Variants in CTNNA3 observed in about 807,000 individuals in gnomAD.
CTNNA3 encodes the protein catenin alpha 3.
CTNNA3 carries 76 observed loss-of-function variants against 95.7 expected under a neutral mutation model. That is an observed-to-expected ratio of 0.79 (90% CI 0.66 to 0.96). The LOEUF (loss-of-function observed/expected upper bound fraction) is 0.96. Among genes scored for constraint, CTNNA3 ranks in the 40% least tolerant of loss-of-function variants. The pLI, the probability that CTNNA3 is intolerant of heterozygous loss-of-function variation, is 0.00. For missense variants in CTNNA3, 1,191 were observed against 1,089.8 expected (o/e 1.09, Z -1.31); for synonymous variants, 431 against 374.4 (o/e 1.15, Z -1.74).
chr10:67,109,780 T>G (rs1298269827), intron 7 of CTNNA3, among the ~76,000 whole-genome samples: 3 of 152,254 alleles, frequency 2.0e-5, no homozygotes, highest in Admixed American at 6.5e-5. Flanking sequence ...GAGGCGGAGC[T>G]TGCAGTGAGC....
At chr10:67,411,115 T>C (rs2132838950) in intron 5 of CTNNA3, among the ~76,000 whole-genome samples, 1 of 152,220 alleles carries the variant, frequency 6.6e-6, no homozygotes, top group South Asian at 2.1e-4. Context: ...ACATGAAGAA[T>C]AAGTTCGAGA....
intron 5 of CTNNA3, among the ~76,000 whole-genome samples, chr10:67,467,485 T>C (rs1263285171): frequency 6.6e-6 from 1 of 152,102 alleles, no homozygotes; most frequent in African/African-American, 2.4e-5. Flanking sequence ...AAAAAAATCC[T>C]TTATTATCTA....
chr10:67,482,318 G>A (rs1335033499), intron 5 of CTNNA3, among the ~76,000 whole-genome samples: 6 of 152,082 alleles, frequency 3.9e-5, no homozygotes, highest in Admixed American at 3.3e-4. Context: ...GGATGGCATT[G>A]AATCTATAAA....
chr10:66,091,543 A>G (rs537672553), intron 14 of CTNNA3, among the ~76,000 whole-genome samples: 20 of 152,008 alleles, frequency 1.3e-4, no homozygotes, highest in Non-Finnish European at 2.6e-4. Flanking sequence ...AAAAAAAAGA[A>G]CATTAAAACT....
chr10:66,085,272 T>C (rs144248654), intron 14 of CTNNA3, among the ~76,000 whole-genome samples: 118 of 151,998 alleles, frequency 7.8e-4, no homozygotes, highest in African/African-American at 2.8e-3. Context: ...CTAAGGAAAA[T>C]AAACAAGGAA....
intron 7 of CTNNA3, chr10:67,097,741 T>G: frequency 6.2e-7 from 1 of 1,612,620 alleles, no homozygotes; most frequent in Non-Finnish European, 8.5e-7. Flanking sequence ...GAGCTGGACC[T>G]GAGCACAATC....
At chr10:66,023,528 T>C (rs1392634371) in intron 15 of CTNNA3, among the ~76,000 whole-genome samples, 2 of 152,174 alleles carry the variant, frequency 1.3e-5, no homozygotes, top group African/African-American at 4.8e-5. Flanking sequence ...GGAGGTGAAA[T>C]ACATTGCTCT....
chr10:66,203,206 C>G (rs1299692762), intron 13 of CTNNA3, among the ~76,000 whole-genome samples: 1 of 152,046 alleles, frequency 6.6e-6, no homozygotes, highest in Non-Finnish European at 1.5e-5. Context: ...TGCTTCAGAA[C>G]ACAAAGGGGA....
intron 10 of CTNNA3, among the ~76,000 whole-genome samples, chr10:66,523,823 C>T (rs939293380): frequency 1.3e-5 from 2 of 152,112 alleles, no homozygotes; most frequent in Admixed American, 1.3e-4. Context: ...AAACACATTT[C>T]TTTCTCAAAT....
intron 9 of CTNNA3, among the ~76,000 whole-genome samples, chr10:66,655,353 CAGAT>C (rs1210788168): frequency 2.0e-5 from 3 of 151,906 alleles, no homozygotes; most frequent in African/African-American, 7.3e-5. Flanking sequence ...TAAACCTTAA[CAGAT>C]AGTTATTATT....
intron 3 of CTNNA3, among the ~76,000 whole-genome samples, chr10:67,587,262 G>T (rs1842663030): frequency 6.8e-6 from 1 of 147,046 alleles, no homozygotes; most frequent in Non-Finnish European, 1.5e-5. Context: ...GTCTCACTAT[G>T]TTGCCCAGGC....
chr10:67,043,580 G>A (rs1016634432), intron 7 of CTNNA3, among the ~76,000 whole-genome samples: 1 of 152,032 alleles, frequency 6.6e-6, no homozygotes, highest in Non-Finnish European at 1.5e-5. Context: ...TCTTTCCTCA[G>A]TCATTGATGT....
At chr10:67,014,375 A>G (rs1279584624) in intron 7 of CTNNA3, among the ~76,000 whole-genome samples, 1 of 152,184 alleles carries the variant, frequency 6.6e-6, no homozygotes, top group Non-Finnish European at 1.5e-5. Context: ...ACTACTGTAT[A>G]CTTCCTAATT....
At chr10:66,256,927 G>C (rs1400674308) in intron 13 of CTNNA3, among the ~76,000 whole-genome samples, 1 of 152,064 alleles carries the variant, frequency 6.6e-6, no homozygotes, top group South Asian at 2.1e-4. Context: ...AGCCAACCCT[G>C]GAAGCCTGTC....
Position 66,043,875 on chromosome 10 carries a change from A to G in CTNNA3, c.2159+25433T>C, listed in dbSNP as rs78766369. 8.1e-3 allele frequency among the ~76,000 whole-genome samples: 1,235 copies of G among 152,126 alleles called. 14 individuals carry two copies. Among genetic ancestry groups the G allele is most frequent in the African/African-American group, 0.028 (1,175 of 41,500 alleles). The stretch of plus-strand genomic sequence containing the variant: ...AAATCTTGAATCTGCCTTTTCTAAT[A>G]TTATTTTGTAGGAGGCATACCTCAA... On this transcript the variant is annotated intron_variant, in intron 15 of 17. Coordinates refer to ENST00000433211, the MANE Select transcript of CTNNA3 (RefSeq NM_013266.4).
At chr10:66,649,870 C>T (rs898596008) in intron 9 of CTNNA3, among the ~76,000 whole-genome samples, 2 of 152,142 alleles carry the variant, frequency 1.3e-5, no homozygotes, top group Admixed American at 6.6e-5. Flanking sequence ...ACCTTGGGAC[C>T]CAGCCTCCAG....
At chr10:66,650,407 G>T (rs997470720) in intron 9 of CTNNA3, among the ~76,000 whole-genome samples, 1 of 152,122 alleles carries the variant, frequency 6.6e-6, no homozygotes, top group Non-Finnish European at 1.5e-5. Flanking sequence ...TAAACAATAT[G>T]CTCTTTAACA....
At position 67,073,096 on chromosome 10, in the gene CTNNA3, A is replaced by G. The variant is rs1326962968; in HGVS notation, c.1047+107221T>C. On this transcript the variant is annotated intron_variant, in intron 7 of 17. Transcript: ENST00000433211. ...AGAATAAGCAAATGCCCTCAGGGAA[A>G]TAAATACATGCATGCCTTGGAATAA... is the stretch of plus-strand genomic sequence containing the variant. Among the ~76,000 whole-genome samples the G allele has an allele frequency of 3.3e-5, 5 of 152,216 alleles. No homozygotes were observed. In the East Asian group the frequency reaches 9.6e-4, roughly 29 times the overall value.
intron 7 of CTNNA3, among the ~76,000 whole-genome samples, chr10:67,174,476 T>C (rs1301900202): frequency 6.6e-6 from 1 of 152,168 alleles, no homozygotes; most frequent in Non-Finnish European, 1.5e-5. Flanking sequence ...GGAATCATTA[T>C]TTAACAGTCA....
Sources: gnomAD v4.1 joint callset for allele counts (sites outside exome capture counted in the v4.1 genomes callset) on GRCh38, gnomAD v4.1.1 for gene constraint, MANE v1.5 for transcripts, NCBI Gene and HGNC (gene_info 2026-07-23, HGNC 2026-07-21) for gene names.